Variants in PPP6C observed in about 807,000 individuals in gnomAD.
PPP6C encodes serine/threonine-protein phosphatase 6 catalytic subunit.
PPP6C carries 11 observed loss-of-function variants against 39.8 expected under a neutral mutation model. That is an observed-to-expected ratio of 0.28 (90% CI 0.17 to 0.46). The LOEUF is 0.46. Among genes scored for constraint, PPP6C ranks in the 20% least tolerant of loss-of-function variants. The pLI is 1.00. For synonymous variants in PPP6C, 129 were observed against 130.3 expected (o/e 0.99, Z 0.07); for missense variants, 211 against 373.9 (o/e 0.56, Z 3.59).
Position 125,189,789 on chromosome 9 carries a change from C to T in PPP6C, c.-71G>A. On this transcript the variant is annotated 5_prime_UTR_variant, in exon 1 of 7. Coordinates refer to ENST00000373547, the MANE Select transcript of PPP6C (RefSeq NM_002721.5). ...CAGCGGCGGCGGCAGCGGCGGAGGCCGAAGCCGGAACTTTCCCTGCGTCAC... is the reference window on the plus strand; with the variant it reads ...CAGCGGCGGCGGCAGCGGCGGAGGCTGAAGCCGGAACTTTCCCTGCGTCAC... The T allele has an allele frequency of 6.6e-7, 1 of 1,511,410 alleles. No homozygotes were observed. Among genetic ancestry groups the T allele is most frequent in the Non-Finnish European group, 8.9e-7 (1 of 1,129,230 alleles). The allele number at this position is 1,511,410 out of a possible 1,614,324, so 93.6% of individuals were successfully genotyped here.
At chr9:125,164,089 C>T (rs1053848676) in intron 2 of PPP6C, among the ~76,000 whole-genome samples, 2 of 152,002 alleles carry the variant, frequency 1.3e-5, no homozygotes, top group Admixed American at 6.6e-5. Flanking sequence ...CCACCCGCTT[C>T]GGTTTCCCAA....
chr9:125,172,454 G>A (rs1460254875), intron 1 of PPP6C, among the ~76,000 whole-genome samples: 3 of 152,028 alleles, frequency 2.0e-5, no homozygotes, highest in African/African-American at 7.2e-5. Context: ...TGATCTGCCC[G>A]CTTCGGCCTC....
chr9:125,170,831 T>C (rs764578779), intron 2 of PPP6C, among the ~76,000 whole-genome samples: 1 of 152,106 alleles, frequency 6.6e-6, no homozygotes, highest in Non-Finnish European at 1.5e-5. Flanking sequence ...ACCCCACCAT[T>C]CCACAGAAAA....
intron 2 of PPP6C, among the ~76,000 whole-genome samples, chr9:125,166,565 C>T (rs1295752728): frequency 6.9e-6 from 1 of 144,060 alleles, no homozygotes; most frequent in African/African-American, 2.6e-5. Flanking sequence ...CAGAGTCTCA[C>T]TCTGTCACCC....
intron 1 of PPP6C, among the ~76,000 whole-genome samples, chr9:125,177,875 A>C (rs982745264): frequency 2.6e-5 from 4 of 152,210 alleles, no homozygotes; most frequent in Non-Finnish European, 5.9e-5. Flanking sequence ...TGCCTTTCCC[A>C]AAATGTCATA....
chr9:125,148,644 G>A lies in PPP6C; in HGVS notation c.*1029C>T, dbSNP rs1835863246. Reference sequence around the variant, plus strand: ...AAGTTAAGGTCAAGTGTTACAGCAAGAGAAGAATGATTCCTATTGAAAAGC... The same window carrying A: ...AAGTTAAGGTCAAGTGTTACAGCAAAAGAAGAATGATTCCTATTGAAAAGC... On this transcript the variant is annotated 3_prime_UTR_variant, in exon 7 of 7. Coordinates refer to ENST00000373547, the MANE Select transcript of PPP6C (RefSeq NM_002721.5). 1 of 152,204 alleles carries A rather than the reference G, an allele frequency of 6.6e-6. No homozygotes were observed. The highest frequency in any genetic ancestry group is 1.5e-5 in the Non-Finnish European group (1 of 68,028). The allele number at this position is 152,204 out of a possible 1,614,324, so 9.4% of individuals were successfully genotyped here. A position where few individuals can be genotyped will look rare whatever the true frequency, so the allele number is the denominator to read the frequency against.
Position 125,153,549 on chromosome 9 carries a change from G to T in PPP6C, c.653C>A (p.Ala218Glu), listed in dbSNP as rs755053598. 1 of 1,613,946 alleles carries T rather than the reference G, an allele frequency of 6.2e-7. No homozygotes were observed. Among genetic ancestry groups the T allele is most frequent in the South Asian group, 1.1e-5 (1 of 91,076 alleles). Residue 218 changes from alanine to glutamate, a missense_variant, in exon 6 of 7, where the codon GCA becomes GAA. By Grantham distance (107) the Ala-to-Glu change is moderately radical. Around this residue, in one of 2 missense-constraint regions of PPP6C, gnomAD observed 168 missense variants for 342.6 expected, o/e 0.49. Transcript: ENST00000373547. ...SPRGAGWLFG[A>E]KVTNEFVHIN... ...TGGCTTTACCTCATTTGTGACCTTT[G>T]CTCCAAAAAGCCAACCTGCTCCTCG... is the stretch of plus-strand genomic sequence containing the variant.
At chr9:125,155,860 G>A (rs1330384724) in intron 4 of PPP6C, among the ~76,000 whole-genome samples, 1 of 141,776 alleles carries the variant, frequency 7.1e-6, no homozygotes, top group East Asian at 2.1e-4. Flanking sequence ...AGCGAAGATC[G>A]CACCACTGCA....
chr9:125,157,566 T>C (rs1030953344), intron 4 of PPP6C, among the ~76,000 whole-genome samples: 4 of 152,012 alleles, frequency 2.6e-5, no homozygotes, highest in Non-Finnish European at 4.4e-5. Context: ...CACACACACA[T>C]ACAAAATGGA....
At chr9:125,189,417 G>A (rs912011351) in intron 1 of PPP6C, 1 of 1,261,916 alleles carries the variant, frequency 7.9e-7, no homozygotes, top group Non-Finnish European at 1.1e-6. Context: ...CCCTGGGACA[G>A]AGGCCGCGAC....
At position 125,153,672 on chromosome 9, in the gene PPP6C, C is replaced by T. The variant is rs1327194838; in HGVS notation, c.530G>A (p.Arg177Gln). The T allele has an allele frequency of 6.2e-7, 1 of 1,614,084 alleles. No homozygotes were observed. Among genetic ancestry groups the T allele is most frequent in the Non-Finnish European group, 8.5e-7 (1 of 1,180,024 alleles). Reference sequence around the variant, plus strand: ...AATTTCCTGATTCCGTTCGATGGTTCGAATTTGATCCAGTGTTTTGATATC... The same window carrying T: ...AATTTCCTGATTCCGTTCGATGGTTTGAATTTGATCCAGTGTTTTGATATC... The part of the protein sequence containing the change: ...SPDIKTLDQI[R>Q]TIERNQEIPH... The change falls in exon 6 of 7, where the codon CGA becomes CAA. Residue 177 changes from arginine to glutamine, a missense_variant. Physicochemically the swap from Arg to Gln is conservative, Grantham distance 43. Around this residue, in one of 2 missense-constraint regions of PPP6C, gnomAD observed 168 missense variants for 342.6 expected, o/e 0.49. Coordinates refer to ENST00000373547, the MANE Select transcript of PPP6C (RefSeq NM_002721.5).
intron 2 of PPP6C, among the ~76,000 whole-genome samples, chr9:125,168,980 T>C (rs913122808): frequency 2.7e-5 from 4 of 150,834 alleles, no homozygotes; most frequent in African/African-American, 7.3e-5. Context: ...AGGCTGGTCT[T>C]GAACTCCTGA....
At chr9:125,153,025 C>T (rs897547620) in intron 6 of PPP6C, among the ~76,000 whole-genome samples, 1 of 151,962 alleles carries the variant, frequency 6.6e-6, no homozygotes, top group Non-Finnish European at 1.5e-5. Context: ...ATAATCCCAG[C>T]ACTTTGGGAG....
intron 1 of PPP6C, among the ~76,000 whole-genome samples, chr9:125,186,464 G>A (rs1270579182): frequency 6.6e-6 from 1 of 152,012 alleles, no homozygotes; most frequent in Non-Finnish European, 1.5e-5. Flanking sequence ...AATGGATACA[G>A]GCCAAGTATA....
intron 4 of PPP6C, among the ~76,000 whole-genome samples, chr9:125,156,757 CT>C (rs1836087530): frequency 5.4e-5 from 8 of 147,516 alleles, no homozygotes; most frequent in African/African-American, 2.0e-4. Flanking sequence ...CTCTCTCTCT[CT>C]CTCTCTCTCT....
chr9:125,172,804 A>G (rs1829205241), intron 1 of PPP6C, among the ~76,000 whole-genome samples: 1 of 151,916 alleles, frequency 6.6e-6, no homozygotes, highest in African/African-American at 2.4e-5. Context: ...TCTGAACATC[A>G]TGAGGTGATG....
chr9:125,171,478 C>CATATATATATAT (rs59002869), intron 1 of PPP6C, among the ~76,000 whole-genome samples: 38 of 83,490 alleles, frequency 4.6e-4, no homozygotes, highest in South Asian at 1.2e-3. Context: ...CACACACACA[C>CATATATATATAT]ATATATATAT....
intron 1 of PPP6C, among the ~76,000 whole-genome samples, chr9:125,188,465 C>T (rs538548530): frequency 1.3e-5 from 2 of 152,008 alleles, no homozygotes; most frequent in East Asian, 1.9e-4. Flanking sequence ...CTGATTTCAG[C>T]AAATGCATAG....
At chr9:125,171,464 CACACACACACACACATATATATAT>C (rs1163247148) in intron 1 of PPP6C, among the ~76,000 whole-genome samples, 6 of 25,654 alleles carry the variant, frequency 2.3e-4, no homozygotes, top group African/African-American at 6.7e-4. Context: ...CACATATACA[CACACACACACACACATATATATAT>C]ATATATATAT....
Sources: gnomAD v4.1 joint callset for allele counts (sites outside exome capture counted in the v4.1 genomes callset) on GRCh38, gnomAD v4.1.1 for gene constraint, gnomAD v4.1.1 regional missense constraint, MANE v1.5 for transcripts, NCBI Gene and HGNC (gene_info 2026-07-23, HGNC 2026-07-21) for gene names.